The following AAGAB variants were observed in gnomAD, a reference collection of about 807,000 sequenced individuals.
AAGAB encodes the protein alpha- and gamma-adaptin-binding protein p34.
AAGAB carries 38 observed loss-of-function variants against 44.1 expected under a neutral mutation model. The ratio of observed to expected loss-of-function variants is 0.86; its 90% CI spans 0.67 to 1.13. The LOEUF (loss-of-function observed/expected upper bound fraction) is 1.13, where lower values mean the gene tolerates loss of function less well. Ranked by LOEUF, AAGAB falls within the 50% of genes most tolerant of loss-of-function variation. The pLI is 0.00. For synonymous variants in AAGAB, 131 were observed against 131.8 expected, an observed-to-expected ratio of 0.99 and a Z score of 0.04; for missense variants, 450 against 373.8, an observed-to-expected ratio of 1.20 and a Z score of -1.68.
upstream of AAGAB, chr15:67,254,826 G>A: frequency 1.3e-6 from 2 of 1,519,184 alleles, no homozygotes; most frequent in Non-Finnish European, 1.8e-6. Flanking sequence ...ATGGGGACGA[G>A]CGGCTCCGGC....
chr15:67,204,953 T>C (rs1371990804), intron 7 of AAGAB, among the ~76,000 whole-genome samples: 1 of 152,254 alleles, frequency 6.6e-6, no homozygotes, highest in Non-Finnish European at 1.5e-5. Flanking sequence ...ACCACTACTT[T>C]AATAAGTACT....
Position 67,200,718 on chromosome 15 carries a change from A to G in AAGAB, c.*2103T>C, listed in dbSNP as rs1250215325. On this transcript the variant is annotated 3_prime_UTR_variant, in exon 10 of 10. Coordinates refer to ENST00000261880, the MANE Select transcript of AAGAB (RefSeq NM_024666.5). Reference sequence around the variant, plus strand: ...TGTAACAACTTGTGGTAGCATGAACATAGGTCACTTTAGATAGACTGCAGC... The same window carrying G: ...TGTAACAACTTGTGGTAGCATGAACGTAGGTCACTTTAGATAGACTGCAGC... Among the ~76,000 whole-genome samples, 1 of 152,260 alleles carries G rather than the reference A, an allele frequency of 6.6e-6. No homozygotes were observed. The highest frequency in any genetic ancestry group is 1.9e-4 in the East Asian group (1 of 5,198).
In AAGAB at chr15:67,254,650, G is replaced by C. The variant is rs749596536; in HGVS notation, c.-19C>G. ...CAGCCATAGCTGCGCTCGCGAGCCG[G>C]TTCCGTCAGGCAGCCGCTTCCGCCT... On this transcript the variant is annotated 5_prime_UTR_variant, in exon 1 of 10. Coordinates refer to ENST00000261880, the MANE Select transcript of AAGAB (RefSeq NM_024666.5). The C allele has an allele frequency of 9.4e-6, 15 of 1,599,346 alleles. 1 individual carries two copies. In the Middle Eastern group the frequency reaches 8.4e-4, roughly 89 times the overall value.
rs144062026 is a variant in AAGAB at position 67,208,787 on chromosome 15, G to C, written c.619-129C>G. ...GTAATAGGAACTGGAGGCAAAGAAAGAAGAGCAAGATCACATTAAAAAAAT... is the reference window on the plus strand; with the variant it reads ...GTAATAGGAACTGGAGGCAAAGAAACAAGAGCAAGATCACATTAAAAAAAT... On this transcript the variant is annotated intron_variant, in intron 6 of 9. Transcript: ENST00000261880. 895 of 670,974 alleles carry C rather than the reference G, an allele frequency of 1.3e-3. 5 individuals carry two copies. The African/African-American group carries it at 0.014, about 11-fold the overall frequency. The allele number at this position is 670,974 out of a possible 1,614,324, so 41.6% of individuals were successfully genotyped here. A position where few individuals can be genotyped will look rare whatever the true frequency, so the allele number is the denominator to read the frequency against.
In AAGAB at chr15:67,236,765, T is replaced by C. The variant is rs758518639; in HGVS notation, c.129A>G (p.Arg43=). Residue 43 remains arginine, a synonymous_variant, in exon 2 of 10, where the codon AGA becomes AGG. Transcript: ENST00000261880. The part of the protein sequence containing the change: ...IVEVTSNDAV[R]FYPWTIDNKY... ...TATTATCAATGGTCCAGGGATAAAA[T>C]CTCACAGCATCATTGGAAGTCACTT... 6.2e-7 allele frequency: 1 copy of C among 1,612,514 alleles called. No homozygotes were observed. The highest frequency in any genetic ancestry group is 1.1e-5 in the South Asian group (1 of 90,548).
rs115854301 is a variant in AAGAB, at chr15:67,241,763, T to A, written c.74-4943A>T. On this transcript the variant is annotated intron_variant, in intron 1 of 9. Transcript: ENST00000261880. ...GCACAGTAAATATTCATTTCCTTCT[T>A]CCCATCTCACTTTTTTTCACATTTG... 5.6e-3 allele frequency among the ~76,000 whole-genome samples: 859 copies of A among 152,184 alleles called. 6 individuals carry two copies. Among genetic ancestry groups the A allele is most frequent in the African/African-American group, 0.02 (811 of 41,524 alleles).
At chr15:67,239,295 T>C (rs532442778) in intron 1 of AAGAB, among the ~76,000 whole-genome samples, 3 of 152,356 alleles carry the variant, frequency 2.0e-5, no homozygotes, top group African/African-American at 7.2e-5. Context: ...ATTTAAAATA[T>C]TTAGATCCAT....
chr15:67,249,198 C>A (rs893450513), intron 1 of AAGAB, among the ~76,000 whole-genome samples: 31 of 152,216 alleles, frequency 2.0e-4, no homozygotes, highest in African/African-American at 6.7e-4. Context: ...CCACACCCGG[C>A]TAATTTCTGC....
Position 67,236,444 on chromosome 15 carries a change from C to T in AAGAB, c.325G>A (p.Val109Met), listed in dbSNP as rs1243015099. ...LPLAKAWLPE[V>M]MILVCDRVSE... Reference sequence around the variant, plus strand: ...ACTCTATCGCAGACCAAGATCATCACCTCAGGTAACCATGCTTTTGCCAGT... The same window carrying T: ...ACTCTATCGCAGACCAAGATCATCATCTCAGGTAACCATGCTTTTGCCAGT... Residue 109 changes from valine to methionine, a missense_variant, in exon 3 of 10, where the codon GTG (valine) becomes ATG (methionine). Transcript: ENST00000261880. 4.3e-6 allele frequency: 7 copies of T among 1,614,168 alleles called. No homozygotes were observed. Among genetic ancestry groups the T allele is most frequent in the Middle Eastern group, 1.6e-4 (1 of 6,062 alleles).
chr15:67,202,782 A>G lies in AAGAB; in HGVS notation c.*39T>C. ...CTGAGTAGAGAGGTATCTCAGAGAC[A>G]GCTAGCATCTTTGTTGGTCAAACCC... On this transcript the variant is annotated 3_prime_UTR_variant, in exon 10 of 10. Coordinates refer to ENST00000261880, the MANE Select transcript of AAGAB (RefSeq NM_024666.5). 1.3e-6 allele frequency: 2 copies of G among 1,588,708 alleles called. No individual in the cohort carries two copies. The highest frequency in any genetic ancestry group is 8.6e-7 in the Non-Finnish European group (1 of 1,156,940).
intron 6 of AAGAB, among the ~76,000 whole-genome samples, 175 bp from the exon 7 acceptor site, chr15:67,208,833 A>G (rs552926068): frequency 6.6e-6 from 1 of 152,318 alleles, no homozygotes; most frequent in African/African-American, 2.4e-5. Flanking sequence ...AACTTAACTA[A>G]CCCAGAAGTA....
At chr15:67,237,959 G>A (rs1347729727) in intron 1 of AAGAB, among the ~76,000 whole-genome samples, 3 of 152,096 alleles carry the variant, frequency 2.0e-5, no homozygotes, top group Non-Finnish European at 4.4e-5. Flanking sequence ...AAGTTATGGG[G>A]AAATTATTTA....
chr15:67,222,236 GCGCGCGCACA>G (rs1437197249), intron 5 of AAGAB, among the ~76,000 whole-genome samples: 1 of 39,234 alleles, frequency 2.5e-5, no homozygotes, highest in Non-Finnish European at 5.3e-5. Flanking sequence ...GCGCACGCGC[GCGCGCGCACA>G]CACACACACA....
intron 1 of AAGAB, among the ~76,000 whole-genome samples, chr15:67,241,830 G>A (rs1964606882): frequency 6.6e-6 from 1 of 152,134 alleles, no homozygotes; most frequent in African/African-American, 2.4e-5. Flanking sequence ...GATGCACTGA[G>A]GAGTTAGTAA....
chr15:67,228,105 T>G (rs552063544), intron 5 of AAGAB, among the ~76,000 whole-genome samples: 2 of 152,216 alleles, frequency 1.3e-5, no homozygotes, highest in African/African-American at 4.8e-5. Context: ...ACTTCCAAAG[T>G]AATAAAGCAT....
chr15:67,231,373 T>G (rs1740542595), intron 5 of AAGAB, among the ~76,000 whole-genome samples: 1 of 152,176 alleles, frequency 6.6e-6, no homozygotes, highest in South Asian at 2.1e-4. Flanking sequence ...TCCTTGAAGC[T>G]CTCTCTCTAT....
upstream of AAGAB, chr15:67,254,765 A>AC: frequency 7.6e-7 from 1 of 1,319,326 alleles, no homozygotes. Context: ...CCGCCCCTAG[A>AC]CCCCCTTCCG....
At chr15:67,255,069 C>A, upstream of AAGAB, 1 of 965,474 alleles carries the variant, frequency 1.0e-6, no homozygotes, top group Non-Finnish European at 1.6e-6. Context: ...CCCTCCAACT[C>A]GCGAGAGGCT....
At chr15:67,244,569 A>G (rs914130346) in intron 1 of AAGAB, among the ~76,000 whole-genome samples, 3 of 152,264 alleles carry the variant, frequency 2.0e-5, no homozygotes, top group Middle Eastern at 3.4e-3. Flanking sequence ...TTGAGAGGCC[A>G]AAGTGGGCAG....
Sources: allele counts gnomAD v4.1 joint callset (sites outside exome capture counted in the v4.1 genomes callset), GRCh38; gene constraint gnomAD v4.1.1; transcripts MANE v1.5; gene names NCBI Gene and HGNC (gene_info 2026-07-23, HGNC 2026-07-21).